OXCT1: variants seen among roughly 807,000 people sequenced by gnomAD.
OXCT1 encodes the protein 3-oxoacid CoA-transferase 1.
OXCT1 carries 27 observed loss-of-function variants against 69.6 expected under a neutral mutation model. The observed-to-expected ratio is 0.39, with a 90% confidence interval of 0.29 to 0.54. OXCT1 has a LOEUF of 0.54. Ranked by LOEUF, OXCT1 falls within the 20% of genes least tolerant of loss-of-function variation. The pLI, the probability that OXCT1 is intolerant of heterozygous loss-of-function variation, is 0.72. For missense variants in OXCT1, 437 were observed against 650.2 expected, an observed-to-expected ratio of 0.67 and a Z score of 3.57; for synonymous variants, 202 against 217.8, an observed-to-expected ratio of 0.93 and a Z score of 0.64.
intron 7 of OXCT1, among the ~76,000 whole-genome samples, chr5:41,831,586 T>C (rs761341922): frequency 3.9e-5 from 6 of 152,174 alleles, no homozygotes; most frequent in South Asian, 2.1e-4. Flanking sequence ...CCAGAACCTA[T>C]AAAAATACCT....
chr5:41,819,188 G>C (rs1382549902), intron 7 of OXCT1, among the ~76,000 whole-genome samples: 4 of 151,978 alleles, frequency 2.6e-5, no homozygotes, highest in Non-Finnish European at 5.9e-5. Flanking sequence ...CCAAAAGAGA[G>C]CAAAATTAGG....
chr5:41,804,532 T>A (rs1447698848), intron 9 of OXCT1, among the ~76,000 whole-genome samples: 2 of 152,048 alleles, frequency 1.3e-5, no homozygotes, highest in Non-Finnish European at 2.9e-5. Context: ...CAATGGTAAG[T>A]CAGGATAAGA....
chr5:41,753,854 T>C (rs528978920), intron 14 of OXCT1, among the ~76,000 whole-genome samples: 4 of 152,262 alleles, frequency 2.6e-5, no homozygotes, highest in South Asian at 2.1e-4. Context: ...CTAATGTCTA[T>C]GGACCACTAG....
At chr5:41,758,767 C>T (rs1744205445) in intron 14 of OXCT1, among the ~76,000 whole-genome samples, 1 of 152,108 alleles carries the variant, frequency 6.6e-6, no homozygotes. Context: ...AGGCCTTTAT[C>T]AGACAGAGGG....
intron 7 of OXCT1, among the ~76,000 whole-genome samples, chr5:41,834,483 C>A: frequency 1.7e-5 from 2 of 120,458 alleles, no homozygotes; most frequent in Non-Finnish European, 3.4e-5. Context: ...CCAATGGAAA[C>A]CCACAAAAAA....
intron 7 of OXCT1, among the ~76,000 whole-genome samples, chr5:41,826,040 A>G (rs1288871286): frequency 2.0e-5 from 3 of 152,192 alleles, no homozygotes; most frequent in Admixed American, 1.3e-4. Flanking sequence ...GAGGTCATCA[A>G]TTTGAGGGTG....
At chr5:41,757,700 A>T (rs988190066) in intron 14 of OXCT1, among the ~76,000 whole-genome samples, 2 of 152,130 alleles carry the variant, frequency 1.3e-5, no homozygotes, top group Non-Finnish European at 2.9e-5. Flanking sequence ...CAGCAAATTC[A>T]TAAAACATTG....
intron 14 of OXCT1, among the ~76,000 whole-genome samples, chr5:41,753,296 CACACACACACATAG>C (rs1474016959): frequency 3.3e-5 from 4 of 122,934 alleles, no homozygotes; most frequent in East Asian, 2.1e-4. Flanking sequence ...CACATAGACA[CACACACACACATAG>C]ACACACACAC....
intron 15 of OXCT1, among the ~76,000 whole-genome samples, chr5:41,744,075 TG>T (rs1384746089): frequency 6.6e-6 from 1 of 152,178 alleles, no homozygotes; most frequent in African/African-American, 2.4e-5. Context: ...TTGGGCAGTA[TG>T]GCCATTTTCA....
chr5:41,805,002 T>C (rs992061177), intron 9 of OXCT1, among the ~76,000 whole-genome samples: 3 of 152,112 alleles, frequency 2.0e-5, no homozygotes, highest in African/African-American at 7.2e-5. Context: ...GCATTCAAAA[T>C]CCAAATATTA....
intron 1 of OXCT1, among the ~76,000 whole-genome samples, chr5:41,866,924 A>T (rs1004987003): frequency 6.6e-6 from 1 of 152,214 alleles, no homozygotes; most frequent in South Asian, 2.1e-4. Flanking sequence ...GAGCCACATG[A>T]GTAAGAGTTC....
intron 15 of OXCT1, among the ~76,000 whole-genome samples, chr5:41,744,938 A>G (rs1743389546): frequency 6.6e-6 from 1 of 152,168 alleles, no homozygotes; most frequent in Admixed American, 6.6e-5. Context: ...AAAGAGACTT[A>G]GACTGCCACA....
intron 14 of OXCT1, among the ~76,000 whole-genome samples, chr5:41,761,367 T>C (rs1233626240): frequency 6.6e-6 from 1 of 152,038 alleles, no homozygotes; most frequent in Non-Finnish European, 1.5e-5. Flanking sequence ...TAAGAGCACT[T>C]ATATCAAGTT....
chr5:41,840,639 G>A (rs1281480123), intron 6 of OXCT1, 128 bp from the exon 7 acceptor site: 2 of 618,124 alleles, frequency 3.2e-6, no homozygotes, highest in Admixed American at 3.1e-5. Context: ...CAAAAAGAGT[G>A]TATCATATTT....
chr5:41,731,823 C>T, intron 16 of OXCT1, 53 bp from the exon 17 acceptor site: 1 of 1,566,544 alleles, frequency 6.4e-7, no homozygotes, highest in East Asian at 2.3e-5. Flanking sequence ...TGATATAAAT[C>T]TCTCTCCTTT....
intron 13 of OXCT1, among the ~76,000 whole-genome samples, chr5:41,788,684 AAC>A (rs1464807986): frequency 2.0e-5 from 3 of 152,206 alleles, no homozygotes; most frequent in Non-Finnish European, 4.4e-5. Flanking sequence ...TGAAAGGAAA[AAC>A]AGACAAATCC....
intron 7 of OXCT1, among the ~76,000 whole-genome samples, chr5:41,828,821 A>C (rs1358986276): frequency 6.6e-6 from 1 of 152,242 alleles, no homozygotes; most frequent in South Asian, 2.1e-4. Flanking sequence ...CTGTAAATGA[A>C]GGGTCTGCAC....
At position 41,807,260 on chromosome 5, in the gene OXCT1, G is replaced by T. The variant is rs569234341; in HGVS notation, c.840+71C>A. ...CTCAGCTCTAGTTCCCCATCATCTC[G>T]AATGGCCCCAGGGATGCACTATCTC... On this transcript the variant is annotated intron_variant, in intron 8 of 16. Transcript: ENST00000196371. 85 of 853,894 alleles carry T rather than the reference G, an allele frequency of 1.0e-4. No homozygotes were observed. In the South Asian group the frequency reaches 1.1e-3, roughly 11 times the overall value. The allele number at this position is 853,894 out of a possible 1,614,324, so 52.9% of individuals were successfully genotyped here.
intron 13 of OXCT1, among the ~76,000 whole-genome samples, chr5:41,772,624 C>A (rs1744929041): frequency 6.6e-6 from 1 of 152,166 alleles, no homozygotes; most frequent in South Asian, 2.1e-4. Context: ...TACTGTTTAT[C>A]TCAAGATGTC....
Sources: allele counts gnomAD v4.1 joint callset (sites outside exome capture counted in the v4.1 genomes callset), GRCh38; gene constraint gnomAD v4.1.1; transcripts MANE v1.5; gene names NCBI Gene and HGNC (gene_info 2026-07-23, HGNC 2026-07-21).